The following GALNTL6 variants were observed in gnomAD, a reference collection of about 807,000 sequenced individuals.
The protein encoded by GALNTL6 is polypeptide N-acetylgalactosaminyltransferase like 6.
A neutral mutation model predicts 73.7 loss-of-function variants in GALNTL6; 46 were observed. The observed-to-expected ratio is 0.62, with a 90% CI of 0.49 to 0.80. The LOEUF (loss-of-function observed/expected upper bound fraction) is 0.80, where lower values mean the gene tolerates loss of function less well. Among genes scored for constraint, GALNTL6 ranks in the 30% least tolerant of loss-of-function variants. The probability of loss-of-function intolerance (pLI) is 0.00; values close to 1 mark genes in which losing one functional copy is unlikely to be tolerated. For synonymous variants in GALNTL6, 259 were observed against 263.7 expected, an observed-to-expected ratio of 0.98 and a Z score of 0.17; for missense variants, 604 against 755.0, an observed-to-expected ratio of 0.80 and a Z score of 2.34.
chr4:172,231,750 A>G (rs1737077676), intron 3 of GALNTL6, among the ~76,000 whole-genome samples: 1 of 152,198 alleles, frequency 6.6e-6, no homozygotes, highest in Admixed American at 6.5e-5. Context: ...AACTGTAATT[A>G]TTAATCCATG....
intron 7 of GALNTL6, among the ~76,000 whole-genome samples, chr4:172,877,621 T>A (rs1042442689): frequency 1.3e-5 from 2 of 151,842 alleles, no homozygotes; most frequent in Admixed American, 6.6e-5. Flanking sequence ...GTCTACCATA[T>A]GAGTAAAAAG....
intron 3 of GALNTL6, among the ~76,000 whole-genome samples, chr4:172,258,003 A>C (rs1484304204): frequency 6.6e-6 from 1 of 151,312 alleles, no homozygotes; most frequent in Non-Finnish European, 1.5e-5. Context: ...GGCCGTGTGT[A>C]ACATTCTCAG....
chr4:172,390,981 C>G (rs2111302577), intron 5 of GALNTL6, among the ~76,000 whole-genome samples: 1 of 152,188 alleles, frequency 6.6e-6, no homozygotes, highest in Non-Finnish European at 1.5e-5. Flanking sequence ...TGTATTAAAT[C>G]AAGTCAATGT....
At chr4:172,869,769 C>T (rs1744830623) in intron 7 of GALNTL6, among the ~76,000 whole-genome samples, 3 of 152,290 alleles carry the variant, frequency 2.0e-5, no homozygotes, top group South Asian at 4.2e-4. Flanking sequence ...TTCCCTCCTC[C>T]ACCTCATTCT....
chr4:173,034,223 G>T (rs1054859071), intron 12 of GALNTL6, among the ~76,000 whole-genome samples: 1 of 152,164 alleles, frequency 6.6e-6, no homozygotes, highest in Middle Eastern at 3.4e-3. Context: ...AATCATTGCG[G>T]TAGCCTCTGG....
chr4:172,819,781 G>T (rs1255595598), intron 7 of GALNTL6, among the ~76,000 whole-genome samples: 1 of 152,150 alleles, frequency 6.6e-6, no homozygotes, highest in Non-Finnish European at 1.5e-5. Flanking sequence ...GCAAATAGGA[G>T]TAAGAAAGCA....
chr4:172,580,028 C>T (rs1047357638), intron 5 of GALNTL6, among the ~76,000 whole-genome samples: 4 of 152,012 alleles, frequency 2.6e-5, no homozygotes, highest in Admixed American at 2.6e-4. Flanking sequence ...AAAATGGCCT[C>T]AAGATGATAG....
At chr4:172,379,412 C>T (rs1401052613) in intron 5 of GALNTL6, among the ~76,000 whole-genome samples, 2 of 151,728 alleles carry the variant, frequency 1.3e-5, no homozygotes, top group Non-Finnish European at 2.9e-5. Context: ...CGCCTGTAGT[C>T]CCAGCTACTT....
intron 5 of GALNTL6, among the ~76,000 whole-genome samples, chr4:172,537,728 GAAGAA>G (rs1408925095): frequency 2.0e-5 from 3 of 152,066 alleles, no homozygotes; most frequent in African/African-American, 7.2e-5. Flanking sequence ...TCTAAAAAAA[GAAGAA>G]AAGAATAAAA....
chr4:172,143,892 C>A (rs1007388821), intron 2 of GALNTL6, among the ~76,000 whole-genome samples: 3 of 151,860 alleles, frequency 2.0e-5, no homozygotes, highest in Non-Finnish European at 2.9e-5. Context: ...GGAATTTATC[C>A]CTATAGTAGT....
At position 172,691,599 on chromosome 4, in the gene GALNTL6, G is replaced by A. The variant is rs544514495; in HGVS notation, c.554-117762G>A. Among the ~76,000 whole-genome samples the A allele has an allele frequency of 2.0e-5, 3 of 152,308 alleles. No individual in the cohort carries two copies. The South Asian group carries it at 6.2e-4, about 32-fold the overall frequency. ...AATACCTGTGATGCTGGGGCTGGAT[G>A]TCTGGAGGGCCCACAGAGATGGTCA... On this transcript the variant is annotated intron_variant, in intron 5 of 12. Coordinates refer to ENST00000506823, the MANE Select transcript of GALNTL6 (RefSeq NM_001034845.3).
intron 2 of GALNTL6, among the ~76,000 whole-genome samples, chr4:171,960,412 G>A (rs1739186294): frequency 6.6e-6 from 1 of 151,828 alleles, no homozygotes; most frequent in Non-Finnish European, 1.5e-5. Flanking sequence ...GAGTAACAGG[G>A]TTTTACAGGC....
At chr4:172,891,986 A>G (rs1746056441) in intron 8 of GALNTL6, among the ~76,000 whole-genome samples, 1 of 152,096 alleles carries the variant, frequency 6.6e-6, no homozygotes. Context: ...TTTTCTTAAT[A>G]TGGCCATGTC....
chr4:172,011,685 A>C (rs894919852), intron 2 of GALNTL6, among the ~76,000 whole-genome samples: 1 of 152,042 alleles, frequency 6.6e-6, no homozygotes, highest in Non-Finnish European at 1.5e-5. Context: ...GAATCTTATA[A>C]CATATTGTAT....
At chr4:172,563,615 T>C (rs1736455985) in intron 5 of GALNTL6, among the ~76,000 whole-genome samples, 1 of 152,310 alleles carries the variant, frequency 6.6e-6, no homozygotes, top group African/African-American at 2.4e-5. Context: ...ACTGAGGTTT[T>C]GAAATACATA....
chr4:172,433,232 A>T (rs1011946975), intron 5 of GALNTL6, among the ~76,000 whole-genome samples: 1 of 151,986 alleles, frequency 6.6e-6, no homozygotes, highest in Non-Finnish European at 1.5e-5. Flanking sequence ...AAGCTTCCCT[A>T]CTCAGCTTCA....
chr4:172,625,208 A>T (rs952976158), intron 5 of GALNTL6, among the ~76,000 whole-genome samples: 3 of 151,784 alleles, frequency 2.0e-5, no homozygotes, highest in Non-Finnish European at 4.4e-5. Flanking sequence ...CTCTTTTACT[A>T]CCCTTGACCT....
chr4:171,839,626 C>T (rs1735189731), intron 2 of GALNTL6, among the ~76,000 whole-genome samples: 1 of 150,774 alleles, frequency 6.6e-6, no homozygotes, highest in South Asian at 2.1e-4. Context: ...TTTAAGTCTA[C>T]AGATTGCTAG....
chr4:172,737,723 TC>T (rs1736551889), intron 5 of GALNTL6, among the ~76,000 whole-genome samples: 1 of 152,206 alleles, frequency 6.6e-6, no homozygotes, highest in South Asian at 2.1e-4. Context: ...AGTTATTTAT[TC>T]CAGTTGTCTC....
Sources: allele counts gnomAD v4.1 joint callset (sites outside exome capture counted in the v4.1 genomes callset), GRCh38; gene constraint gnomAD v4.1.1; transcripts MANE v1.5; gene names NCBI Gene and HGNC (gene_info 2026-07-23, HGNC 2026-07-21).